Variants in MICALL1 observed in about 807,000 individuals in gnomAD.
MICALL1 encodes MICAL-like protein 1.
In MICALL1, 61 loss-of-function variants were observed where a neutral mutation model predicts 83.7. The ratio of observed to expected loss-of-function variants is 0.73; its 90% CI spans 0.59 to 0.90. The LOEUF is 0.90. Among genes scored for constraint, MICALL1 ranks in the 40% least tolerant of loss-of-function variants. MICALL1 has a pLI of 0.00. For missense variants in MICALL1, 1,066 were observed against 1,152.0 expected (o/e 0.93, Z 1.08); for synonymous variants, 481 against 473.6 (o/e 1.02, Z -0.20).
At chr22:37,923,568 C>T (rs1037792063) in intron 6 of MICALL1, among the ~76,000 whole-genome samples, 3 of 152,198 alleles carry the variant, frequency 2.0e-5, no homozygotes, top group African/African-American at 7.2e-5. Context: ...TGCCGAGTTC[C>T]TGCAGCCTCT....
chr22:37,915,303 T>A (rs1928607461), intron 3 of MICALL1, among the ~76,000 whole-genome samples: 3 of 151,942 alleles, frequency 2.0e-5, no homozygotes, highest in African/African-American at 7.3e-5. Context: ...AGCAGAAAAA[T>A]TAAAATAATG....
At chr22:37,933,330 C>T (rs542191059) in intron 13 of MICALL1, among the ~76,000 whole-genome samples, 43 of 152,262 alleles carry the variant, frequency 2.8e-4, no homozygotes, top group Admixed American at 7.9e-4. Context: ...GGAGAAGGAA[C>T]CGCACAGACA....
At position 37,906,604 on chromosome 22, in the gene MICALL1, G is replaced by A. The variant is rs1268079761; in HGVS notation, c.146+36G>A. On this transcript the variant is annotated intron_variant, in intron 1 of 15. Coordinates refer to ENST00000215957, the MANE Select transcript of MICALL1 (RefSeq NM_033386.4). The surrounding 1 kb of genome is among the most constrained non-coding windows in gnomAD (Gnocchi z 4.4). The stretch of plus-strand genomic sequence containing the variant: ...GGCCCCGGGCGAGCGGGCGGCGCGG[G>A]GCGGGCTGGGGCCGCGACCGCCGCC... The A allele has an allele frequency of 2.0e-5, 23 of 1,153,040 alleles. No homozygotes were observed. The East Asian group carries it at 9.2e-4, about 46-fold the overall frequency. The allele number at this position is 1,153,040 out of a possible 1,614,324, so 71.4% of individuals were successfully genotyped here.
chr22:37,922,406 G>A lies in MICALL1; in HGVS notation c.1004G>A (p.Gly335Asp), dbSNP rs1171471178. ...CAGGAGAACCTGGTGGAGCAGGCTG[G>A]CAGCAGCAGCCTGGTGAACGGTGAG... ...LQQENLVEQA[G>D]SSSLVNGRLH... The change falls in exon 6 of 16, where the codon GGC (glycine) becomes GAC (aspartate). Residue 335 changes from glycine to aspartate, a missense_variant. By Grantham distance (94) the Gly-to-Asp change is moderately conservative (BLOSUM62 -1). Coordinates refer to ENST00000215957, the MANE Select transcript of MICALL1 (RefSeq NM_033386.4). The A allele has an allele frequency of 2.9e-5, 45 of 1,531,938 alleles. No individual in the cohort carries two copies. Among genetic ancestry groups the A allele is most frequent in the Non-Finnish European group, 3.5e-5 (40 of 1,143,046 alleles). The allele number at this position is 1,531,938 out of a possible 1,614,324, so 94.9% of individuals were successfully genotyped here. A position where few individuals can be genotyped will look rare whatever the true frequency, so the allele number is the denominator to read the frequency against.
intron 14 of MICALL1, among the ~76,000 whole-genome samples, 182 bp from the exon 15 acceptor site, chr22:37,937,564 C>T (rs1217047081): frequency 6.6e-6 from 1 of 151,960 alleles, no homozygotes; most frequent in Non-Finnish European, 1.5e-5. Flanking sequence ...GCTGGGATTA[C>T]AGGCATGAGC....
Position 37,924,003 on chromosome 22 carries a change from G to A in MICALL1, c.1025-657G>A, listed in dbSNP as rs959965504. ...TCCCAGATGACCTCCCTGGGTTTCC[G>A]TGAGCTTGTAGGATTGAGACTCCTT... On this transcript the variant is annotated intron_variant, in intron 6 of 15. Coordinates refer to ENST00000215957, the MANE Select transcript of MICALL1 (RefSeq NM_033386.4). This position sits in a 1 kb window ranked among gnomAD's most constrained non-coding sequence, Gnocchi z 5.2. Among the ~76,000 whole-genome samples the A allele has an allele frequency of 2.0e-5, 3 of 152,146 alleles. No individual in the cohort carries two copies. The highest frequency in any genetic ancestry group is 1.3e-4 in the Admixed American group (2 of 15,274).
chr22:37,910,390 C>T (rs1928241416), intron 1 of MICALL1, among the ~76,000 whole-genome samples: 2 of 152,098 alleles, frequency 1.3e-5, no homozygotes, highest in South Asian at 4.2e-4. Flanking sequence ...GCTTTTGTCT[C>T]ATTTGGTCTT....
chr22:37,925,735 T>C lies in MICALL1; in HGVS notation c.1157T>C (p.Leu386Pro). 2 of 1,609,068 alleles carry C rather than the reference T, an allele frequency of 1.2e-6. No homozygotes were observed. The highest frequency in any genetic ancestry group is 8.5e-7 in the Non-Finnish European group (1 of 1,179,302). ...GAACCAAAGAAGAAGCCAGCCCCAC[T>C]TCCCCCAAGCAGCAGCCCGGGGCCA... ...QAEPKKKPAP[L>P]PPSSSPGPPS... The change falls in exon 8 of 16, where the codon CTT becomes CCT. Residue 386 changes from leucine (L) to proline (P), a missense_variant. Physicochemically the swap from Leu to Pro is moderately conservative, Grantham distance 98. Transcript: ENST00000215957.
chr22:37,929,779 G>A (rs1929689728), intron 9 of MICALL1, among the ~76,000 whole-genome samples: 1 of 152,232 alleles, frequency 6.6e-6, no homozygotes, highest in African/African-American at 2.4e-5. Context: ...CCAACGCTCT[G>A]CAGGCCTCTG....
intron 13 of MICALL1, among the ~76,000 whole-genome samples, chr22:37,934,428 G>A (rs1408680618): frequency 2.0e-5 from 3 of 152,076 alleles, no homozygotes; most frequent in African/African-American, 7.2e-5. Flanking sequence ...GGCAAAGTGG[G>A]ATTCAAACTT....
In MICALL1 at chr22:37,927,845, T is replaced by C; in HGVS notation, c.1881+19T>C. The stretch of plus-strand genomic sequence containing the variant: ...GGTAAAGGTGAGTGCCCCCTCACCC[T>C]CACTAAAAGTGACATCCTCTCTAGT... On this transcript the variant is annotated intron_variant, in intron 9 of 15. Transcript: ENST00000215957. 1.3e-6 allele frequency: 2 copies of C among 1,579,236 alleles called. No individual in the cohort carries two copies. Among genetic ancestry groups the C allele is most frequent in the Admixed American group, 1.8e-5 (1 of 56,774 alleles).
intron 6 of MICALL1, among the ~76,000 whole-genome samples, chr22:37,923,611 A>C (rs1253878600): frequency 6.6e-6 from 1 of 152,178 alleles, no homozygotes; most frequent in Non-Finnish European, 1.5e-5. Context: ...GGGACGGTGC[A>C]AACAATACAG....
chr22:37,937,314 C>A, intron 14 of MICALL1, 120 bp downstream of exon 14: 1 of 777,522 alleles, frequency 1.3e-6, no homozygotes, highest in Non-Finnish European at 2.0e-6. Context: ...CAGGCCAGGC[C>A]AGCCCTGCCC....
rs996697990 is a variant in MICALL1, at chr22:37,924,968, G to A, written c.1082+251G>A. Among the ~76,000 whole-genome samples the A allele has an allele frequency of 1.3e-5, 2 of 152,176 alleles. No homozygotes were observed. Among genetic ancestry groups the A allele is most frequent in the Admixed American group, 6.5e-5 (1 of 15,280 alleles). Reference sequence around the variant, plus strand: ...GTGCAGGCAGCCACCTCTGGTACCCGTTGCCTCTCCAGGCTCCTTTGCCCT... The same window carrying A: ...GTGCAGGCAGCCACCTCTGGTACCCATTGCCTCTCCAGGCTCCTTTGCCCT... On this transcript the variant is annotated intron_variant, in intron 7 of 15. Transcript: ENST00000215957. This position sits in a 1 kb window ranked among gnomAD's most constrained non-coding sequence, Gnocchi z 5.2.
At chr22:37,915,189 C>T (rs1928599198) in intron 3 of MICALL1, among the ~76,000 whole-genome samples, 1 of 152,050 alleles carries the variant, frequency 6.6e-6, no homozygotes. Flanking sequence ...GAGTTTGAGG[C>T]TGCGGTGAGC....
At chr22:37,918,681 G>A (rs1928827118) in intron 4 of MICALL1, among the ~76,000 whole-genome samples, 1 of 152,264 alleles carries the variant, frequency 6.6e-6, no homozygotes, top group South Asian at 2.1e-4. Context: ...CCGCAAAGGG[G>A]AGGAGGAGGG....
Position 37,917,871 on chromosome 22 carries a change from A to T in MICALL1, c.426+76A>T, listed in dbSNP as rs2145897705. On this transcript the variant is annotated intron_variant, in intron 4 of 15. Transcript: ENST00000215957. Reference sequence around the variant, plus strand: ...TATGTGGACGACTATCATTGCAGTGACTGGGTCATGTGAGGAAGTTAGCCC... The same window carrying T: ...TATGTGGACGACTATCATTGCAGTGTCTGGGTCATGTGAGGAAGTTAGCCC... The T allele has an allele frequency of 1.0e-5, 13 of 1,290,140 alleles. No homozygotes were observed. The South Asian group carries it at 1.5e-4, about 15-fold the overall frequency. 79.9% of individuals were successfully genotyped at this position (1,290,140 alleles called of 1,614,324 possible). A position where few individuals can be genotyped will look rare whatever the true frequency, so the allele number is the denominator to read the frequency against.
intron 5 of MICALL1, among the ~76,000 whole-genome samples, chr22:37,919,529 G>A (rs538466446): frequency 6.6e-6 from 1 of 151,312 alleles, no homozygotes; most frequent in Admixed American, 6.6e-5. Flanking sequence ...CCAGCTACTC[G>A]AGAGGCTGAG....
rs749612031 is a variant in MICALL1 at position 37,932,940 on chromosome 22, T to G, written c.2234+52T>G. On this transcript the variant is annotated intron_variant, in intron 12 of 15. Transcript: ENST00000215957. This position sits in a 1 kb window ranked among gnomAD's most constrained non-coding sequence, Gnocchi z 4.4. Reference sequence around the variant, plus strand: ...TCCCTGGAATCCGTAGAGCTTAGAATGGAGAACCCTTACCCTCTTCCCTCA... The same window carrying G: ...TCCCTGGAATCCGTAGAGCTTAGAAGGGAGAACCCTTACCCTCTTCCCTCA... 11 of 1,612,402 alleles carry G rather than the reference T, an allele frequency of 6.8e-6. No individual in the cohort carries two copies. The highest frequency in any genetic ancestry group is 1.3e-5 in the African/African-American group (1 of 74,874).
Sources: allele counts gnomAD v4.1 joint callset (sites outside exome capture counted in the v4.1 genomes callset), GRCh38; gene constraint gnomAD v4.1.1; non-coding constraint Gnocchi (gnomAD v3.1); transcripts MANE v1.5; gene names NCBI Gene and HGNC (gene_info 2026-07-23, HGNC 2026-07-21).